Variants in TNPO1 observed in about 807,000 individuals in gnomAD.
TNPO1 encodes transportin-1.
A neutral mutation model predicts 119.5 loss-of-function variants in TNPO1; 8 were observed. The observed-to-expected ratio is 0.07, with a 90% confidence interval of 0.04 to 0.12. The LOEUF is 0.12. Ranked by LOEUF, TNPO1 falls within the 10% of genes least tolerant of loss-of-function variation. TNPO1 has a pLI of 1.00. For missense variants in TNPO1, 576 were observed against 1,089.8 expected, an observed-to-expected ratio of 0.53 and a Z score of 6.64; for synonymous variants, 362 against 363.0, an observed-to-expected ratio of 1.00 and a Z score of 0.03.
intron 1 of TNPO1, 28 bp downstream of exon 1, chr5:72,816,780 G>A: frequency 7.0e-6 from 11 of 1,578,706 alleles, no homozygotes; most frequent in Non-Finnish European, 9.4e-6. Flanking sequence ...GCGCGGCCCC[G>A]AACTGCAGGG....
intron 5 of TNPO1, among the ~76,000 whole-genome samples, chr5:72,864,090 A>G (rs555996203): frequency 6.6e-6 from 1 of 152,306 alleles, no homozygotes; most frequent in East Asian, 1.9e-4. Flanking sequence ...ATGGGTAACA[A>G]GTTCACATTT....
chr5:72,837,494 C>G (rs963792463), intron 1 of TNPO1, among the ~76,000 whole-genome samples: 5 of 152,190 alleles, frequency 3.3e-5, no homozygotes, highest in Non-Finnish European at 7.3e-5. Flanking sequence ...GTCCCCACCT[C>G]TTAATACTAT....
rs547353758 is a variant in TNPO1 at position 72,902,851 on chromosome 5, G to A, written c.2515-858G>A. 3.3e-5 allele frequency among the ~76,000 whole-genome samples: 5 copies of A among 152,118 alleles called. No individual in the cohort carries two copies. In the East Asian group the frequency reaches 7.7e-4, roughly 24 times the overall value. On this transcript the variant is annotated intron_variant, in intron 22 of 24. Coordinates refer to ENST00000337273, the MANE Select transcript of TNPO1 (RefSeq NM_002270.4). ...ATTTAAATTTTTAACATCAGATTTG[G>A]TATTTGGAAGACATAATTTGAATAA...
At chr5:72,887,010 T>G in intron 11 of TNPO1, 60 bp from the exon 12 acceptor site, 1 of 1,404,974 alleles carries the variant, frequency 7.1e-7, no homozygotes. Context: ...ACATATACAA[T>G]AAATAATATA....
At chr5:72,833,619 G>A (rs1021806875) in intron 1 of TNPO1, among the ~76,000 whole-genome samples, 1 of 152,274 alleles carries the variant, frequency 6.6e-6, no homozygotes, top group African/African-American at 2.4e-5. Flanking sequence ...ACTAAAATAA[G>A]CTTTTTAACC....
In TNPO1 at chr5:72,822,412, C is replaced by T. The variant is rs558616941; in HGVS notation, c.15+5660C>T. Among the ~76,000 whole-genome samples the T allele has an allele frequency of 3.6e-4, 54 of 151,576 alleles. 1 individual carries two copies. The South Asian group carries it at 8.5e-3, about 24-fold the overall frequency. ...GTTGTAGGGATAACATTGAATATAT[C>T]GGTACGGCTATTTTAAAGTAAAAAT... is the stretch of plus-strand genomic sequence containing the variant. On this transcript the variant is annotated intron_variant, in intron 1 of 24. Transcript: ENST00000337273.
chr5:72,908,958 AATCTAT>A lies in TNPO1; in HGVS notation c.*286_*291del. The stretch of plus-strand genomic sequence containing the variant: ...GGATGTGAAGAAGCAAAAAAAAAAA[AATCTAT>A]TCAGTCTACTCACAAAACAGTACAT... On this transcript the variant is annotated 3_prime_UTR_variant, in exon 25 of 25. Transcript: ENST00000337273. The A allele has an allele frequency of 2.2e-6, 1 of 448,020 alleles. No individual in the cohort carries two copies. The highest frequency in any genetic ancestry group is 4.5e-6 in the Non-Finnish European group (1 of 223,672). The allele number at this position is 448,020 out of a possible 1,614,324, so 27.8% of individuals were successfully genotyped here.
At chr5:72,836,548 A>G (rs1203751336) in intron 1 of TNPO1, among the ~76,000 whole-genome samples, 2 of 152,206 alleles carry the variant, frequency 1.3e-5, no homozygotes, top group Non-Finnish European at 2.9e-5. Context: ...AATAGGCAAG[A>G]TAGTCCCAAC....
intron 15 of TNPO1, among the ~76,000 whole-genome samples, chr5:72,892,719 T>G (rs932574411): frequency 2.0e-5 from 3 of 152,152 alleles, no homozygotes; most frequent in Admixed American, 6.5e-5. Context: ...TACTTTTGAT[T>G]CAAGATTGGT....
chr5:72,870,442 G>T (rs983868628), intron 6 of TNPO1, among the ~76,000 whole-genome samples: 1 of 152,126 alleles, frequency 6.6e-6, no homozygotes, highest in Non-Finnish European at 1.5e-5. Context: ...GATTACAGGC[G>T]TGAGCCACCG....
Position 72,816,686 on chromosome 5 carries a change from A to G in TNPO1, c.-52A>G, listed in dbSNP as rs1037489742. Reference sequence around the variant, plus strand: ...GTTCCGCAGCCATTTCAGGCCCCGGACAGGAGGCAGTGCCGCTTCGGCCGA... The same window carrying G: ...GTTCCGCAGCCATTTCAGGCCCCGGGCAGGAGGCAGTGCCGCTTCGGCCGA... On this transcript the variant is annotated 5_prime_UTR_variant, in exon 1 of 25. Coordinates refer to ENST00000337273, the MANE Select transcript of TNPO1 (RefSeq NM_002270.4). The G allele has an allele frequency of 1.2e-5, 19 of 1,535,570 alleles. No individual in the cohort carries two copies. Among genetic ancestry groups the G allele is most frequent in the Admixed American group, 2.0e-5 (1 of 49,320 alleles).
intron 9 of TNPO1, 114 bp from the exon 10 acceptor site, chr5:72,882,353 A>G: frequency 1.4e-6 from 1 of 692,228 alleles, no homozygotes; most frequent in Non-Finnish European, 2.4e-6. Flanking sequence ...AAGTTCAAAG[A>G]CAATATTACC....
rs771495812 is a variant in TNPO1, at chr5:72,887,173, A to C, written c.1254A>C (p.Glu418Asp). 1.2e-6 allele frequency: 2 copies of C among 1,613,616 alleles called. No individual in the cohort carries two copies. The highest frequency in any genetic ancestry group is 2.2e-5 in the South Asian group (2 of 91,016). Residue 418 changes from glutamate (E) to aspartate (D), a missense_variant, in exon 12 of 25, where the codon GAA (glutamate) becomes GAC (aspartate). This residue lies in a region of TNPO1 where 310 missense variants were observed against 583.0 expected (regional missense o/e 0.53). Coordinates refer to ENST00000337273, the MANE Select transcript of TNPO1 (RefSeq NM_002270.4). ...TGAAAGAATTACTTTTTCATCATGA[A>C]TGGGTTGTTAAAGAATCAGGCATTT... ...PLLKELLFHH[E>D]WVVKESGILV...
chr5:72,897,033 T>A, intron 19 of TNPO1, 23 bp from the exon 20 acceptor site: 1 of 1,513,780 alleles, frequency 6.6e-7, no homozygotes. Context: ...TTTTTGTTTT[T>A]TTCTTTTTGG....
intron 9 of TNPO1, among the ~76,000 whole-genome samples, chr5:72,881,765 T>C (rs1748262778): frequency 6.6e-6 from 1 of 152,174 alleles, no homozygotes; most frequent in Admixed American, 6.5e-5. Flanking sequence ...TATGAGCTGT[T>C]CTCTCCTAAC....
At chr5:72,863,787 A>G (rs932622374) in intron 5 of TNPO1, among the ~76,000 whole-genome samples, 1 of 151,996 alleles carries the variant, frequency 6.6e-6, no homozygotes, top group Non-Finnish European at 1.5e-5. Context: ...AAGATTACAG[A>G]TTACAGAAAA....
At chr5:72,883,506 A>G (rs891187454) in intron 11 of TNPO1, among the ~76,000 whole-genome samples, 5 of 152,196 alleles carry the variant, frequency 3.3e-5, no homozygotes, top group Non-Finnish European at 7.3e-5. Flanking sequence ...ATTTCATGTA[A>G]ATGGAGTCAT....
chr5:72,848,372 G>C lies in TNPO1; in HGVS notation c.16-13G>C. ...GTTGCTCCGTCTCTTCCTGTGTCTG[G>C]CTTTATTTGCAGCAAACCAAGATGG... is the stretch of plus-strand genomic sequence containing the variant. On this transcript the variant is annotated splice_polypyrimidine_tract_variant and intron_variant, in intron 1 of 24. Coordinates refer to ENST00000337273, the MANE Select transcript of TNPO1 (RefSeq NM_002270.4). The C allele has an allele frequency of 6.2e-7, 1 of 1,608,740 alleles. No homozygotes were observed. Among genetic ancestry groups the C allele is most frequent in the Admixed American group, 1.7e-5 (1 of 59,564 alleles).
chr5:72,894,946 C>T (rs954582122), intron 18 of TNPO1, among the ~76,000 whole-genome samples: 1 of 152,022 alleles, frequency 6.6e-6, no homozygotes, highest in Admixed American at 6.5e-5. Flanking sequence ...GTGTTTAAGA[C>T]GTACAAAAGT....
Sources: gnomAD v4.1 joint callset for allele counts (sites outside exome capture counted in the v4.1 genomes callset) on GRCh38, gnomAD v4.1.1 for gene constraint, gnomAD v4.1.1 regional missense constraint, MANE v1.5 for transcripts, NCBI Gene and HGNC (gene_info 2026-07-23, HGNC 2026-07-21) for gene names.